DPP10: variants seen among roughly 807,000 people sequenced by gnomAD.
DPP10 encodes the protein inactive dipeptidyl peptidase 10.
A neutral mutation model predicts 120.9 loss-of-function variants in DPP10; 33 were observed. The observed-to-expected ratio is 0.27, with a 90% CI of 0.21 to 0.37. The LOEUF (loss-of-function observed/expected upper bound fraction) is 0.37, where lower values mean the gene tolerates loss of function less well. DPP10 is among the 10% of genes least tolerant of loss of function. The pLI is 1.00. For synonymous variants in DPP10, 337 were observed against 326.1 expected, an observed-to-expected ratio of 1.03 and a Z score of -0.36; for missense variants, 816 against 942.8, an observed-to-expected ratio of 0.87 and a Z score of 1.76.
At chr2:115,452,665 C>T (rs2073199759) in intron 3 of DPP10, among the ~76,000 whole-genome samples, 1 of 151,842 alleles carries the variant, frequency 6.6e-6, no homozygotes, top group South Asian at 2.1e-4. Context: ...ATTTGTCTTC[C>T]TTCTTTTTTT....
At chr2:114,854,397 A>T (rs1473986426) in intron 1 of DPP10, among the ~76,000 whole-genome samples, 1 of 152,180 alleles carries the variant, frequency 6.6e-6, no homozygotes, top group Non-Finnish European at 1.5e-5. Flanking sequence ...TATGTTTCAT[A>T]AAAAAATGAA....
intron 1 of DPP10, among the ~76,000 whole-genome samples, chr2:115,215,682 C>T (rs1324965134): frequency 6.6e-6 from 1 of 152,106 alleles, no homozygotes; most frequent in African/African-American, 2.4e-5. Flanking sequence ...AATACAACCC[C>T]TATTGAAAAC....
chr2:115,291,010 T>C (rs755287460), intron 1 of DPP10, among the ~76,000 whole-genome samples: 2 of 152,070 alleles, frequency 1.3e-5, no homozygotes, highest in African/African-American at 2.4e-5. Context: ...TCCCTGAGTT[T>C]ATTATTTTTC....
intron 1 of DPP10, among the ~76,000 whole-genome samples, chr2:114,896,843 G>T (rs1396031189): frequency 1.3e-5 from 2 of 152,096 alleles, no homozygotes; most frequent in African/African-American, 2.4e-5. Flanking sequence ...TCCAGTTTTT[G>T]CCCATTCAGT....
intron 1 of DPP10, among the ~76,000 whole-genome samples, chr2:115,016,950 C>G (rs1486114432): frequency 6.6e-6 from 1 of 151,160 alleles, no homozygotes; most frequent in African/African-American, 2.4e-5. Context: ...AGTAAACTAT[C>G]GCAAGGACAG....
At chr2:114,497,348 CACATGTACATAT>C (rs143871516) in intron 1 of DPP10, among the ~76,000 whole-genome samples, 22 of 27,102 alleles carry the variant, frequency 8.1e-4, no homozygotes, top group Non-Finnish European at 1.6e-3. Flanking sequence ...CATATACATA[CACATGTACATAT>C]ACATACACAT....
intron 1 of DPP10, among the ~76,000 whole-genome samples, chr2:114,605,635 G>A (rs1692723826): frequency 6.6e-6 from 1 of 152,058 alleles, no homozygotes; most frequent in African/African-American, 2.4e-5. Flanking sequence ...CTCAGATTTT[G>A]AATGCACAGG....
intron 3 of DPP10, among the ~76,000 whole-genome samples, chr2:115,423,337 A>G (rs934823353): frequency 6.6e-6 from 1 of 152,158 alleles, no homozygotes; most frequent in Non-Finnish European, 1.5e-5. Context: ...TATTGAACAG[A>G]GACGCTGTAT....
chr2:114,807,760 G>A (rs1368367002), intron 1 of DPP10, among the ~76,000 whole-genome samples: 1 of 152,146 alleles, frequency 6.6e-6, no homozygotes, highest in African/African-American at 2.4e-5. Flanking sequence ...AGAAAGAACT[G>A]TTTTATTATG....
At chr2:115,484,364 T>C (rs2075638695) in intron 3 of DPP10, among the ~76,000 whole-genome samples, 3 of 152,136 alleles carry the variant, frequency 2.0e-5, no homozygotes, top group African/African-American at 7.2e-5. Context: ...TTGATCATTT[T>C]CTGTCATCCA....
intron 1 of DPP10, among the ~76,000 whole-genome samples, chr2:114,640,751 T>C (rs1695646641): frequency 6.6e-6 from 1 of 151,930 alleles, no homozygotes; most frequent in African/African-American, 2.4e-5. Flanking sequence ...GGAGAATTCC[T>C]TGGCCCAATG....
chr2:115,564,272 TTTTTA>T (rs2080866314), intron 5 of DPP10, among the ~76,000 whole-genome samples: 1 of 151,860 alleles, frequency 6.6e-6, no homozygotes, highest in African/African-American at 2.4e-5. Flanking sequence ...AAATGTTTTA[TTTTTA>T]TTTTATTTTT....
intron 1 of DPP10, among the ~76,000 whole-genome samples, chr2:114,865,979 G>A (rs148818978): frequency 4.6e-5 from 7 of 152,086 alleles, no homozygotes; most frequent in African/African-American, 7.2e-5. Context: ...GGGCGTGGTC[G>A]TGCATGCCTA....
At chr2:115,446,683 A>G (rs1408809495) in intron 3 of DPP10, among the ~76,000 whole-genome samples, 1 of 152,066 alleles carries the variant, frequency 6.6e-6, no homozygotes, top group African/African-American at 2.4e-5. Context: ...AGCTGCAGGC[A>G]TACCCGTCTG....
At chr2:114,855,801 T>C (rs1028138206) in intron 1 of DPP10, among the ~76,000 whole-genome samples, 1 of 152,190 alleles carries the variant, frequency 6.6e-6, no homozygotes, top group African/African-American at 2.4e-5. Context: ...CATTTCTAGT[T>C]GCTTAATGGC....
intron 2 of DPP10, among the ~76,000 whole-genome samples, chr2:115,330,185 C>G (rs1357965750): frequency 1.3e-5 from 2 of 151,974 alleles, no homozygotes; most frequent in Non-Finnish European, 2.9e-5. Flanking sequence ...TCTCTGATGG[C>G]CAGTGATGAT....
intron 1 of DPP10, among the ~76,000 whole-genome samples, chr2:114,768,761 G>A (rs1271836355): frequency 6.6e-6 from 1 of 152,194 alleles, no homozygotes; most frequent in Non-Finnish European, 1.5e-5. Context: ...GATAATGCAA[G>A]TGTTCCCAGG....
Position 115,725,959 on chromosome 2 carries a change from C to G in DPP10, c.577-1857C>G, listed in dbSNP as rs559822093. Among the ~76,000 whole-genome samples, 8 of 152,232 alleles carry G rather than the reference C, an allele frequency of 5.3e-5. No individual in the cohort carries two copies. The South Asian group carries it at 1.7e-3, about 32-fold the overall frequency. ...TCAGGGGTCGTGAAAGTCATTAAAT[C>G]CAACTTCTATCCAGTGTTAGGGAAT... On this transcript the variant is annotated intron_variant, in intron 7 of 25. Coordinates refer to ENST00000410059, the MANE Select transcript of DPP10 (RefSeq NM_020868.6).
intron 1 of DPP10, chr2:114,834,159 G>T (rs1172599311): frequency 1.5e-5 from 2 of 136,660 alleles, no homozygotes; most frequent in South Asian, 4.7e-4. Context: ...ACGCACCTAT[G>T]TATATATAAG....
Sources: gnomAD v4.1 joint callset for allele counts (sites outside exome capture counted in the v4.1 genomes callset) on GRCh38, gnomAD v4.1.1 for gene constraint, MANE v1.5 for transcripts, NCBI Gene and HGNC (gene_info 2026-07-23, HGNC 2026-07-21) for gene names.